UHRF2: variants seen among roughly 807,000 people sequenced by gnomAD.
The protein encoded by UHRF2 is E3 ubiquitin-protein ligase UHRF2.
A neutral mutation model predicts 96.8 loss-of-function variants in UHRF2; 23 were observed. The observed-to-expected ratio is 0.24, with a 90% confidence interval of 0.17 to 0.34. UHRF2 has a LOEUF of 0.34. UHRF2 is among the 10% of genes least tolerant of loss of function. UHRF2 has a pLI of 1.00. For missense variants in UHRF2, 685 were observed against 981.5 expected (o/e 0.70, Z 4.04); for synonymous variants, 385 against 332.6 (o/e 1.16, Z -1.72).
Position 6,431,012 on chromosome 9 carries a change from C to G in UHRF2, c.385-2902C>G, listed in dbSNP as rs150875044. Among the ~76,000 whole-genome samples the G allele has an allele frequency of 1.5e-4, 23 of 152,270 alleles. No homozygotes were observed. In the East Asian group the frequency reaches 3.9e-3, roughly 26 times the overall value. The stretch of plus-strand genomic sequence containing the variant: ...TTGCTACTCCTTTAGCTAATTACTT[C>G]AGTTCTTAATTTGTACTAGATTACT... On this transcript the variant is annotated intron_variant, in intron 2 of 15. Transcript: ENST00000276893.
At chr9:6,414,565 C>G (rs1476925745) in intron 1 of UHRF2, among the ~76,000 whole-genome samples, 1 of 152,146 alleles carries the variant, frequency 6.6e-6, no homozygotes, top group African/African-American at 2.4e-5. Flanking sequence ...CACTCAGACC[C>G]ATCGTATTTT....
chr9:6,506,265 G>C lies in UHRF2; in HGVS notation c.*86G>C, dbSNP rs1357234472. ...GGTGGGGAGGGTGGAAGAAATGGTG[G>C]ACTGTATCTCTCACGTTCTGAAGCA... is the stretch of plus-strand genomic sequence containing the variant. On this transcript the variant is annotated 3_prime_UTR_variant, in exon 16 of 16. Transcript: ENST00000276893. 1.3e-6 allele frequency: 2 copies of C among 1,539,076 alleles called. No homozygotes were observed. Among genetic ancestry groups the C allele is most frequent in the Admixed American group, 1.8e-5 (1 of 55,596 alleles).
At chr9:6,419,396 C>T (rs554701681) in intron 1 of UHRF2, among the ~76,000 whole-genome samples, 47 of 151,832 alleles carry the variant, frequency 3.1e-4, no homozygotes, top group African/African-American at 1.0e-3. Context: ...AATTGCAGAT[C>T]GATAGAATTA....
At chr9:6,416,109 G>T (rs1469411289) in intron 1 of UHRF2, among the ~76,000 whole-genome samples, 3 of 151,828 alleles carry the variant, frequency 2.0e-5, no homozygotes, top group Non-Finnish European at 4.4e-5. Context: ...TTGCCCTGTC[G>T]CCAGGCTGGA....
At position 6,477,720 on chromosome 9, in the gene UHRF2, A is replaced by C. The variant is rs778328119; in HGVS notation, c.1072A>C (p.Met358Leu). The change falls in exon 6 of 16, where the codon ATG (methionine) becomes CTG (leucine). Residue 358 changes from methionine to leucine, a missense_variant. By Grantham distance (15) the Met-to-Leu change is conservative. Coordinates refer to ENST00000276893, the MANE Select transcript of UHRF2 (RefSeq NM_152896.3). ...RVCGGKHEPN[M>L]QLLCDECNVA... ...ATGTGGTGGGAAACATGAACCCAAC[A>C]TGCAGCTTCTGTGTGATGAATGTAA... The C allele has an allele frequency of 4.3e-6, 7 of 1,614,164 alleles. No homozygotes were observed. The South Asian group carries it at 7.7e-5, about 18-fold the overall frequency.
At chr9:6,452,105 T>C (rs940397655) in intron 3 of UHRF2, among the ~76,000 whole-genome samples, 1 of 152,160 alleles carries the variant, frequency 6.6e-6, no homozygotes, top group African/African-American at 2.4e-5. Flanking sequence ...AGTTCATATA[T>C]CCTGGAGATC....
intron 3 of UHRF2, among the ~76,000 whole-genome samples, chr9:6,453,583 C>G (rs906912515): frequency 6.6e-6 from 1 of 152,048 alleles, no homozygotes; most frequent in Non-Finnish European, 1.5e-5. Context: ...CTGACCAAAC[C>G]GTTGTGAAAC....
intron 4 of UHRF2, chr9:6,468,393 A>G (rs923160202): frequency 4.4e-6 from 2 of 454,158 alleles, no homozygotes; most frequent in Admixed American, 4.7e-5. Flanking sequence ...TTTTAGCTAA[A>G]ACAACTAAAT....
intron 4 of UHRF2, among the ~76,000 whole-genome samples, chr9:6,466,406 G>GGTGCACGCCT (rs1822860786): frequency 1.3e-5 from 2 of 152,050 alleles, no homozygotes; most frequent in African/African-American, 4.8e-5. Context: ...TGGGCATGCT[G>GGTGCACGCCT]GTGCACGCCT....
At chr9:6,426,711 A>G (rs192211477) in intron 2 of UHRF2, among the ~76,000 whole-genome samples, 165 of 152,288 alleles carry the variant, frequency 1.1e-3, no homozygotes, top group African/African-American at 3.8e-3. Flanking sequence ...ACTGAAAACC[A>G]TTTAGAAGCT....
chr9:6,414,407 A>C (rs1819470648), intron 1 of UHRF2, among the ~76,000 whole-genome samples: 1 of 152,136 alleles, frequency 6.6e-6, no homozygotes, highest in Non-Finnish European at 1.5e-5. Context: ...TCTAATACTC[A>C]TGTCGTTCAC....
chr9:6,487,579 C>G (rs552622923), intron 9 of UHRF2, among the ~76,000 whole-genome samples: 7 of 152,332 alleles, frequency 4.6e-5, no homozygotes, highest in African/African-American at 1.7e-4. Flanking sequence ...GATGGCCAGG[C>G]TGGTCTCGAA....
chr9:6,485,153 T>C (rs1173809081), intron 8 of UHRF2, among the ~76,000 whole-genome samples: 1 of 152,212 alleles, frequency 6.6e-6, no homozygotes, highest in Non-Finnish European at 1.5e-5. Context: ...TGTTCTCTTA[T>C]CTTTGCAATA....
At chr9:6,503,998 TTTTTTTAAATAGAAGA>T (rs1267554646) in intron 14 of UHRF2, among the ~76,000 whole-genome samples, 2 of 151,348 alleles carry the variant, frequency 1.3e-5, no homozygotes, top group Non-Finnish European at 2.9e-5. Context: ...GAGTACTTGA[TTTTTTTAAATAGAAGA>T]CTTTTTTTTT....
In UHRF2 at chr9:6,477,780, T is replaced by G; in HGVS notation, c.1132T>G (p.Leu378Val). 6.2e-7 allele frequency: 1 copy of G among 1,610,578 alleles called. No individual in the cohort carries two copies. ...AYHIYCLNPP[L>V]DKVPEEEYWY... ...TCATATTTACTGTCTGAATCCACCT[T>G]TGGATAAAGTCCCAGAAGAGGAATA... Residue 378 changes from leucine (L) to valine (V), a missense_variant, in exon 6 of 16, where the codon TTG (leucine) becomes GTG (valine). By Grantham distance (32) the Leu-to-Val change is conservative. Around this residue, in one of 6 missense-constraint regions of UHRF2, gnomAD observed 391 missense variants for 437.0 expected, o/e 0.89. Transcript: ENST00000276893.
intron 1 of UHRF2, 124 bp downstream of exon 1, chr9:6,413,767 G>T: frequency 8.1e-7 from 1 of 1,230,006 alleles, no homozygotes; most frequent in Middle Eastern, 3.0e-4. Context: ...CGCTGCGGGT[G>T]GGCAGCCCCC....
intron 4 of UHRF2, among the ~76,000 whole-genome samples, chr9:6,461,148 G>T (rs1822510686): frequency 6.6e-6 from 1 of 152,102 alleles, no homozygotes; most frequent in African/African-American, 2.4e-5. Context: ...AATAGCAGTG[G>T]ATGACTACTT....
intron 14 of UHRF2, 86 bp from the exon 15 acceptor site, chr9:6,504,507 C>T: frequency 1.3e-6 from 1 of 775,686 alleles, no homozygotes. Context: ...TCTCTACTAG[C>T]TGTTTTGAAA....
At chr9:6,483,324 C>CAAAAAAAAAAAAAAAAAAAAAAAAAAAAA (rs34497002) in intron 8 of UHRF2, among the ~76,000 whole-genome samples, 1 of 59,536 alleles carries the variant, frequency 1.7e-5, no homozygotes. Context: ...GACTCTGTCT[C>CAAAAAAAAAAAAAAAAAAAAAAAAAAAAA]AAAAAAAAAA....
Sources: gnomAD v4.1 joint callset for allele counts (sites outside exome capture counted in the v4.1 genomes callset) on GRCh38, gnomAD v4.1.1 for gene constraint, gnomAD v4.1.1 regional missense constraint, MANE v1.5 for transcripts, NCBI Gene and HGNC (gene_info 2026-07-23, HGNC 2026-07-21) for gene names.